ADGRL1: variants seen among roughly 807,000 people sequenced by gnomAD.
ADGRL1 encodes adhesion G protein-coupled receptor L1.
A neutral mutation model predicts 148.9 loss-of-function variants in ADGRL1; 31 were observed. The ratio of observed to expected loss-of-function variants is 0.21; its 90% CI spans 0.16 to 0.28. ADGRL1 has a LOEUF of 0.28. Among genes scored for constraint, ADGRL1 ranks in the 10% least tolerant of loss-of-function variants. The probability of loss-of-function intolerance (pLI) is 1.00; values close to 1 mark genes in which losing one functional copy is unlikely to be tolerated. For missense variants in ADGRL1, 1,521 were observed against 2,058.8 expected (o/e 0.74, Z 5.05); for synonymous variants, 937 against 900.3 (o/e 1.04, Z -0.73).
At chr19:14,167,916 GCTGCCCTGCGGA>G (rs1970135384) in intron 4 of ADGRL1, among the ~76,000 whole-genome samples, 1 of 152,168 alleles carries the variant, frequency 6.6e-6, no homozygotes, top group African/African-American at 2.4e-5. Flanking sequence ...CGCCCTGCCC[GCTGCCCTGCGGA>G]CGGGCGGCAC....
intron 2 of ADGRL1, among the ~76,000 whole-genome samples, chr19:14,183,314 C>T (rs536083531): frequency 2.2e-4 from 33 of 152,034 alleles, no homozygotes; most frequent in African/African-American, 7.2e-4. Flanking sequence ...CTGGCCCAGC[C>T]GACTTGTTGG....
At position 14,162,342 on chromosome 19, in the gene ADGRL1, A is replaced by G. The variant is rs933198373; in HGVS notation, c.1195+264T>C. 6.6e-6 allele frequency among the ~76,000 whole-genome samples: 1 copy of G among 152,172 alleles called. No individual in the cohort carries two copies. The highest frequency in any genetic ancestry group is 1.5e-5 in the Non-Finnish European group (1 of 68,022). On this transcript the variant is annotated intron_variant, in intron 5 of 22. Coordinates refer to ENST00000361434, the MANE Select transcript of ADGRL1 (RefSeq NM_014921.5). The surrounding 1 kb of genome is among the most constrained non-coding windows in gnomAD (Gnocchi z 5.4). ...TGGGAGGCTGGGTTCAAATCCTCAA[A>G]TAACTTAATCCCCTACCCACACAGA...
Position 14,161,531 on chromosome 19 carries a change from G to A in ADGRL1, c.1291C>T (p.Arg431Trp), listed in dbSNP as rs752482599. 1.5e-5 allele frequency: 22 copies of A among 1,449,796 alleles called. No homozygotes were observed. The highest frequency in any genetic ancestry group is 4.4e-5 in the African/African-American group (3 of 68,210). The allele number at this position is 1,449,796 out of a possible 1,614,324, so 89.8% of individuals were successfully genotyped here. A position where few individuals can be genotyped will look rare whatever the true frequency, so the allele number is the denominator to read the frequency against. The change falls in exon 6 of 23, where the codon CGG becomes TGG. Residue 431 changes from arginine (R) to tryptophan (W), a missense_variant. By Grantham distance (101) the Arg-to-Trp change is moderately radical. This residue lies in a region of ADGRL1 where 270 missense variants were observed against 320.4 expected (regional missense o/e 0.84). Transcript: ENST00000361434. This position sits in a 1 kb window ranked among gnomAD's most constrained non-coding sequence, Gnocchi z 4.4. ...ASPAATTPLR[R>W]APLTTHPVGA... is the part of the protein sequence containing the mutation. The stretch of plus-strand genomic sequence containing the variant: ...ACTGGGTGCGTGGTGAGGGGTGCCC[G>A]GCGGAGCGGGGTGGTGGCTGCGGGC...
intron 1 of ADGRL1, among the ~76,000 whole-genome samples, chr19:14,196,134 C>T (rs1972245674): frequency 6.6e-6 from 1 of 152,236 alleles, no homozygotes; most frequent in Non-Finnish European, 1.5e-5. Flanking sequence ...CTATCTGCCA[C>T]CCCTGTCCCA....
intron 16 of ADGRL1, 69 bp downstream of exon 16, chr19:14,156,589 A>AGGGGGGG (rs1568571257): frequency 1.3e-6 from 1 of 795,914 alleles, no homozygotes; most frequent in African/African-American, 4.4e-5. Context: ...GGGCGGGGGC[A>AGGGGGGG]GGGGCTGGGG....
chr19:14,203,693 C>A (rs1180335237), intron 1 of ADGRL1, among the ~76,000 whole-genome samples: 1 of 152,094 alleles, frequency 6.6e-6, no homozygotes, highest in East Asian at 1.9e-4. Context: ...CTTCGAGTCC[C>A]CCCCTTCCAC....
chr19:14,159,104 T>A lies in ADGRL1; in HGVS notation c.2135A>T (p.Gln712Leu). 1.2e-6 allele frequency: 2 copies of A among 1,614,074 alleles called. No individual in the cohort carries two copies. The highest frequency in any genetic ancestry group is 1.7e-6 in the Non-Finnish European group (2 of 1,180,024). The change falls in exon 11 of 23, where the codon CAG becomes CTG. Residue 712 changes from glutamine (Q) to leucine (L), a missense_variant. This residue lies in a region of ADGRL1 where 265 missense variants were observed against 431.9 expected (regional missense o/e 0.61). Transcript: ENST00000361434. This position sits in a 1 kb window ranked among gnomAD's most constrained non-coding sequence, Gnocchi z 6.0. ...GGGACACTGACCATTGCGGCTGTTC[T>A]GCTTGATGGTTTTGGCAGACAGCTG... is the stretch of plus-strand genomic sequence containing the variant. The part of the protein sequence containing the change: ...SIQLSAKTIK[Q>L]NSRNGVVKVV...
At chr19:14,165,188 G>A (rs1036971318) in intron 4 of ADGRL1, among the ~76,000 whole-genome samples, 3 of 152,186 alleles carry the variant, frequency 2.0e-5, no homozygotes, top group Admixed American at 1.3e-4. Context: ...CAGCCAGGAT[G>A]TAGTTTTTGT....
chr19:14,190,133 C>G (rs1024285257), intron 1 of ADGRL1, among the ~76,000 whole-genome samples: 2 of 152,170 alleles, frequency 1.3e-5, no homozygotes, highest in Non-Finnish European at 2.9e-5. Flanking sequence ...TCATGTTGCC[C>G]AGGCTGGTCT....
chr19:14,149,888 C>T lies in ADGRL1; in HGVS notation c.*985G>A, dbSNP rs1368934897. 4.6e-5 allele frequency: 7 copies of T among 151,258 alleles called. No individual in the cohort carries two copies. Among genetic ancestry groups the T allele is most frequent in the African/African-American group, 7.3e-5 (3 of 41,040 alleles). The allele number at this position is 151,258 out of a possible 1,614,324, so 9.4% of individuals were successfully genotyped here. ...CGGGCTGGCCCGGGCCGCAGGCTCC[C>T]GGTGGCTTCAAGTGATGAGATTTTT... On this transcript the variant is annotated 3_prime_UTR_variant, in exon 23 of 23. Coordinates refer to ENST00000361434, the MANE Select transcript of ADGRL1 (RefSeq NM_014921.5).
At position 14,162,539 on chromosome 19, in the gene ADGRL1, AGGGGTGGGTG is replaced by A; in HGVS notation, c.1195+57_1195+66del. ...GATGGGGCTCCCCACTCTGGGACCC[AGGGGTGGGTG>A]GGGGTGGAGGGGACAAAGGCAAGCA... On this transcript the variant is annotated intron_variant, in intron 5 of 22. Coordinates refer to ENST00000361434, the MANE Select transcript of ADGRL1 (RefSeq NM_014921.5). This position sits in a 1 kb window ranked among gnomAD's most constrained non-coding sequence, Gnocchi z 5.4. 2.1e-6 allele frequency: 3 copies of A among 1,421,074 alleles called. No individual in the cohort carries two copies. The highest frequency in any genetic ancestry group is 2.9e-6 in the Non-Finnish European group (3 of 1,037,928). 88.0% of individuals were successfully genotyped at this position (1,421,074 alleles called of 1,614,324 possible). A position where few individuals can be genotyped will look rare whatever the true frequency, so the allele number is the denominator to read the frequency against.
Position 14,160,039 on chromosome 19 carries a change from G to A in ADGRL1, c.1800+73C>T, listed in dbSNP as rs560586895. ...GTGGCAGCCTGGCTGGGAGGTACCA[G>A]GTCAGGTACTTCCCAAGCCCCTGGG... On this transcript the variant is annotated intron_variant, in intron 8 of 22. Transcript: ENST00000361434. The surrounding 1 kb of genome is among the most constrained non-coding windows in gnomAD (Gnocchi z 5.9). The A allele has an allele frequency of 2.9e-5, 42 of 1,462,794 alleles. No individual in the cohort carries two copies. The highest frequency in any genetic ancestry group is 1.0e-4 in the Admixed American group (5 of 48,878). 90.6% of individuals were successfully genotyped at this position (1,462,794 alleles called of 1,614,324 possible).
chr19:14,171,295 G>A (rs150072939), intron 3 of ADGRL1: 5 of 153,922 alleles, frequency 3.2e-5, no homozygotes, highest in African/African-American at 1.2e-4. Flanking sequence ...CTTTATACCA[G>A]TATAAGAACG....
At chr19:14,202,681 T>C (rs530530912) in intron 1 of ADGRL1, among the ~76,000 whole-genome samples, 2 of 151,954 alleles carry the variant, frequency 1.3e-5, no homozygotes, top group African/African-American at 2.4e-5. Flanking sequence ...TGTGTGCAGA[T>C]TGCATGACAA....
chr19:14,201,302 G>GT (rs56206541), intron 1 of ADGRL1, among the ~76,000 whole-genome samples: 53,777 of 108,730 alleles, frequency 0.49, 13,580 homozygotes, highest in Non-Finnish European at 0.58. Flanking sequence ...GAGTTTTTTT[G>GT]TTTTTTTTTT....
intron 18 of ADGRL1, among the ~76,000 whole-genome samples, chr19:14,153,411 A>ATTT (rs36035971): frequency 0.022 from 2,476 of 112,264 alleles, 192 homozygotes; most frequent in African/African-American, 0.086. Context: ...GCAGGTTGTG[A>ATTT]TTTTTTTTTT....
At chr19:14,177,800 C>A (rs976418936) in intron 2 of ADGRL1, 56 bp from the exon 3 acceptor site, 2 of 1,499,736 alleles carry the variant, frequency 1.3e-6, no homozygotes, top group Non-Finnish European at 1.8e-6. Context: ...GAAGGGAAGA[C>A]CCTACCCACT....
chr19:14,161,252 G>A lies in ADGRL1; in HGVS notation c.1510+60C>T, dbSNP rs1969337461. 4.1e-6 allele frequency: 6 copies of A among 1,459,094 alleles called. No individual in the cohort carries two copies. Among genetic ancestry groups the A allele is most frequent in the Non-Finnish European group, 5.4e-6 (6 of 1,101,732 alleles). 90.4% of individuals were successfully genotyped at this position (1,459,094 alleles called of 1,614,324 possible). A position where few individuals can be genotyped will look rare whatever the true frequency, so the allele number is the denominator to read the frequency against. On this transcript the variant is annotated intron_variant, in intron 6 of 22. Coordinates refer to ENST00000361434, the MANE Select transcript of ADGRL1 (RefSeq NM_014921.5). This position sits in a 1 kb window ranked among gnomAD's most constrained non-coding sequence, Gnocchi z 4.4. Reference sequence around the variant, plus strand: ...GAGACCCCCACCCACACATGCATCTGTGCTAAGCTGCTGGGGGCATGGCCC... The same window carrying A: ...GAGACCCCCACCCACACATGCATCTATGCTAAGCTGCTGGGGGCATGGCCC...
At position 14,148,448 on chromosome 19, in the gene ADGRL1, C is replaced by A. The variant is rs1407042045; in HGVS notation, c.*2425G>T. Reference sequence around the variant, plus strand: ...AGCCCCCTGGAACTCTCCTGGCCCTCCTCCTGGTGTCGGGGGCAGCCACAG... The same window carrying A: ...AGCCCCCTGGAACTCTCCTGGCCCTACTCCTGGTGTCGGGGGCAGCCACAG... On this transcript the variant is annotated 3_prime_UTR_variant, in exon 23 of 23. Coordinates refer to ENST00000361434, the MANE Select transcript of ADGRL1 (RefSeq NM_014921.5). 6.6e-6 allele frequency: 1 copy of A among 152,414 alleles called. No homozygotes were observed. Among genetic ancestry groups the A allele is most frequent in the Non-Finnish European group, 1.5e-5 (1 of 68,178 alleles). 9.4% of individuals were successfully genotyped at this position (152,414 alleles called of 1,614,324 possible). A position where few individuals can be genotyped will look rare whatever the true frequency, so the allele number is the denominator to read the frequency against.
Sources: allele counts gnomAD v4.1 joint callset (sites outside exome capture counted in the v4.1 genomes callset), GRCh38; gene constraint gnomAD v4.1.1; regional missense constraint gnomAD v4.1.1; non-coding constraint Gnocchi (gnomAD v3.1); transcripts MANE v1.5; gene names NCBI Gene and HGNC (gene_info 2026-07-23, HGNC 2026-07-21).